The following RBM27 variants were observed in gnomAD, a reference collection of about 807,000 sequenced individuals.
The protein encoded by RBM27 is RNA binding motif protein 27.
Under a neutral mutation model 135.3 loss-of-function variants are expected in RBM27, and 22 were observed. That is an observed-to-expected ratio of 0.16 (90% confidence interval 0.12 to 0.23). The LOEUF is 0.23. Ranked by LOEUF, RBM27 falls within the 10% of genes least tolerant of loss-of-function variation. The pLI is 1.00. For missense variants in RBM27, 1,009 were observed against 1,281.0 expected, an observed-to-expected ratio of 0.79 and a Z score of 3.24; for synonymous variants, 481 against 442.4, an observed-to-expected ratio of 1.09 and a Z score of -1.10.
rs201229346 is a variant in RBM27, at chr5:146,285,582, T to C, written c.3100-365T>C. 1.7e-4 allele frequency among the ~76,000 whole-genome samples: 26 copies of C among 152,216 alleles called. No individual in the cohort carries two copies. In the East Asian group the frequency reaches 4.2e-3, roughly 25 times the overall value. ...AATTGGATGGATATAAAAACAAAGA[T>C]TTAGGTGTTTGGTCATTTATTTTCC... On this transcript the variant is annotated intron_variant, in intron 20 of 20. Transcript: ENST00000265271.
chr5:146,284,028 A>G (rs1000952248), intron 19 of RBM27, among the ~76,000 whole-genome samples: 6 of 152,174 alleles, frequency 3.9e-5, no homozygotes, highest in African/African-American at 1.4e-4. Context: ...GGAGAAAAAA[A>G]TGTTTAAAAA....
Position 146,271,020 on chromosome 5 carries a change from A to C in RBM27, c.2758A>C (p.Thr920Pro), listed in dbSNP as rs1758838916. The C allele has an allele frequency of 6.2e-7, 1 of 1,613,664 alleles. No homozygotes were observed. ...HKRLSSGEDT[T>P]ELRKKLSQLQ... is the part of the protein sequence containing the mutation. ...GAGGCTGTCCTCAGGAGAAGACACC[A>C]CAGAATTACGGAAAAAACTCAGTCA... Residue 920 changes from threonine (T) to proline (P), a missense_variant, in exon 18 of 21, where the codon ACA becomes CCA. Around this residue, in one of 6 missense-constraint regions of RBM27, gnomAD observed 355 missense variants for 427.3 expected, o/e 0.83. Coordinates refer to ENST00000265271, the MANE Select transcript of RBM27 (RefSeq NM_018989.2).
chr5:146,271,444 A>C, intron 18 of RBM27, 39 bp from the exon 19 acceptor site: 1 of 1,513,542 alleles, frequency 6.6e-7, no homozygotes, highest in Non-Finnish European at 9.0e-7. Context: ...GGTTTAGTCT[A>C]ATAATGTATG....
At chr5:146,273,299 T>C (rs1758948637) in intron 19 of RBM27, among the ~76,000 whole-genome samples, 1 of 152,220 alleles carries the variant, frequency 6.6e-6, no homozygotes, top group African/African-American at 2.4e-5. Flanking sequence ...CATGCTCAAA[T>C]GGATCTCCTT....
Position 146,261,759 on chromosome 5 carries a change from C to A in RBM27, c.2143C>A (p.Leu715Ile). The change falls in exon 13 of 21, where the codon CTA (leucine) becomes ATA (isoleucine). Residue 715 changes from leucine to isoleucine, a missense_variant. Physicochemically the swap from Leu to Ile is conservative, Grantham distance 5. This residue lies in a region of RBM27 where 355 missense variants were observed against 427.3 expected (regional missense o/e 0.83). Coordinates refer to ENST00000265271, the MANE Select transcript of RBM27 (RefSeq NM_018989.2). Reference protein sequence around the residue: ...LPQHLHQQQVLVAQSAPSTVH... With the variant: ...LPQHLHQQQVIVAQSAPSTVH... ...ACAGCATCTACATCAGCAGCAGGTGCTAGTGGCCCAGTCTGCTCCTTCAAC... is the reference window on the plus strand; with the variant it reads ...ACAGCATCTACATCAGCAGCAGGTGATAGTGGCCCAGTCTGCTCCTTCAAC... 1 of 1,614,214 alleles carries A rather than the reference C, an allele frequency of 6.2e-7. No homozygotes were observed. The highest frequency in any genetic ancestry group is 8.5e-7 in the Non-Finnish European group (1 of 1,180,026).
At chr5:146,264,739 A>C (rs1353760880) in intron 14 of RBM27, among the ~76,000 whole-genome samples, 1 of 151,886 alleles carries the variant, frequency 6.6e-6, no homozygotes, top group Non-Finnish European at 1.5e-5. Flanking sequence ...AAACAACCTG[A>C]TAATGACTCA....
At chr5:146,270,275 G>A (rs1758805628) in intron 17 of RBM27, among the ~76,000 whole-genome samples, 1 of 152,174 alleles carries the variant, frequency 6.6e-6, no homozygotes, top group Admixed American at 6.5e-5. Context: ...GATAATTCTA[G>A]TCCTTTGAGA....
At chr5:146,272,290 G>A (rs1758901929) in intron 19 of RBM27, among the ~76,000 whole-genome samples, 1 of 152,194 alleles carries the variant, frequency 6.6e-6, no homozygotes, top group African/African-American at 2.4e-5. Flanking sequence ...GTGAAATCCT[G>A]TGTGTACAGA....
In RBM27 at chr5:146,237,346, G is replaced by A. The variant is rs920617108; in HGVS notation, c.1193G>A (p.Gly398Glu). 1 of 1,613,962 alleles carries A rather than the reference G, an allele frequency of 6.2e-7. No homozygotes were observed. The highest frequency in any genetic ancestry group is 1.3e-5 in the African/African-American group (1 of 74,884). Residue 398 changes from glycine (G) to glutamate (E), a missense_variant, in exon 8 of 21, where the codon GGG (glycine) becomes GAG (glutamate). Physicochemically the swap from Gly to Glu is moderately conservative, Grantham distance 98. This residue lies in a region of RBM27 where 329 missense variants were observed against 368.1 expected (regional missense o/e 0.89). Transcript: ENST00000265271. ...SSLINSRDQP[G>E]TSAVPNLASV... The stretch of plus-strand genomic sequence containing the variant: ...TTGATAAACAGCCGTGACCAGCCTG[G>A]GACAAGTGCAGTGCCCAATCTTGCA...
chr5:146,274,665 A>G (rs1479739098), intron 19 of RBM27, among the ~76,000 whole-genome samples: 3 of 152,168 alleles, frequency 2.0e-5, no homozygotes, highest in Admixed American at 1.3e-4. Context: ...ACCAAATTTG[A>G]GGATATTGAT....
intron 2 of RBM27, among the ~76,000 whole-genome samples, chr5:146,219,826 T>G (rs999941794): frequency 9.9e-5 from 15 of 152,176 alleles, no homozygotes; most frequent in African/African-American, 3.1e-4. Flanking sequence ...ACTCCATGCC[T>G]CCATCCACTC....
chr5:146,263,504 C>G lies in RBM27; in HGVS notation c.2204C>G (p.Pro735Arg), dbSNP rs972833127. 5 of 1,613,154 alleles carry G rather than the reference C, an allele frequency of 3.1e-6. No homozygotes were observed. Among genetic ancestry groups the G allele is most frequent in the Non-Finnish European group, 4.2e-6 (5 of 1,179,630 alleles). ...HGGIQKMMSK[P>R]QTSGAYVLNK... is the part of the protein sequence containing the mutation. ...TTGTATGTGCAGATGATGAGCAAAC[C>G]ACAGACATCAGGTGCATATGTTCTT... Residue 735 changes from proline to arginine, a missense_variant, in exon 14 of 21, where the codon CCA (proline) becomes CGA (arginine). Around this residue, in one of 6 missense-constraint regions of RBM27, gnomAD observed 355 missense variants for 427.3 expected, o/e 0.83. Coordinates refer to ENST00000265271, the MANE Select transcript of RBM27 (RefSeq NM_018989.2).
intron 1 of RBM27, among the ~76,000 whole-genome samples, chr5:146,214,771 G>A (rs1377312031): frequency 6.6e-6 from 1 of 152,146 alleles, no homozygotes; most frequent in Non-Finnish European, 1.5e-5. Flanking sequence ...GCTGTTAAAT[G>A]TAAATGGTCC....
At chr5:146,264,669 AAAAAAAG>A (rs1314558967) in intron 14 of RBM27, among the ~76,000 whole-genome samples, 3 of 151,230 alleles carry the variant, frequency 2.0e-5, no homozygotes, top group African/African-American at 7.3e-5. Flanking sequence ...AAAAAAAAAA[AAAAAAAG>A]GGAAAGCAAA....
chr5:146,262,304 G>A (rs1178198402), intron 13 of RBM27, among the ~76,000 whole-genome samples: 1 of 152,080 alleles, frequency 6.6e-6, no homozygotes, highest in African/African-American at 2.4e-5. Context: ...TTTAGAATCA[G>A]TCTTTTTTGT....
chr5:146,237,462 A>G (rs763841813), intron 8 of RBM27, 30 bp downstream of exon 8: 3 of 1,611,400 alleles, frequency 1.9e-6, no homozygotes, highest in South Asian at 2.2e-5. Flanking sequence ...CTTAAAATTG[A>G]CAGGGTATAG....
intron 17 of RBM27, among the ~76,000 whole-genome samples, chr5:146,270,680 C>T (rs1184650638): frequency 2.0e-5 from 3 of 152,098 alleles, no homozygotes; most frequent in Non-Finnish European, 4.4e-5. Context: ...TATTATGTGA[C>T]AGTTATTCTC....
At chr5:146,210,946 CAAAAA>C (rs201750144) in intron 1 of RBM27, among the ~76,000 whole-genome samples, 1 of 108,568 alleles carries the variant, frequency 9.2e-6, no homozygotes, top group African/African-American at 3.5e-5. Context: ...GACTCCGTCT[CAAAAA>C]AAAAAAAAAG....
chr5:146,245,231 A>G (rs1757573317), intron 8 of RBM27: 1 of 151,950 alleles, frequency 6.6e-6, no homozygotes, highest in African/African-American at 2.4e-5. Context: ...TGCTAGAGAA[A>G]ATCTTAAAGA....
Sources: allele counts gnomAD v4.1 joint callset (sites outside exome capture counted in the v4.1 genomes callset), GRCh38; gene constraint gnomAD v4.1.1; regional missense constraint gnomAD v4.1.1; transcripts MANE v1.5; gene names NCBI Gene and HGNC (gene_info 2026-07-23, HGNC 2026-07-21).